ASIC2: variants seen among roughly 807,000 people sequenced by gnomAD.
ASIC2 encodes acid sensing ion channel subunit 2.
A neutral mutation model predicts 57.3 loss-of-function variants in ASIC2; 25 were observed. That is an observed-to-expected ratio of 0.44 (90% confidence interval 0.32 to 0.61). ASIC2 has a LOEUF of 0.61. Among genes scored for constraint, ASIC2 ranks in the 20% least tolerant of loss-of-function variants. The probability of loss-of-function intolerance (pLI) is 0.06; values close to 1 mark genes in which losing one functional copy is unlikely to be tolerated. For missense variants in ASIC2, 641 were observed against 738.1 expected, an observed-to-expected ratio of 0.87 and a Z score of 1.52; for synonymous variants, 319 against 307.5, an observed-to-expected ratio of 1.04 and a Z score of -0.39.
intron 1 of ASIC2, among the ~76,000 whole-genome samples, chr17:33,670,081 G>A (rs1025116402): frequency 5.3e-5 from 8 of 152,128 alleles, no homozygotes; most frequent in African/African-American, 1.9e-4. Context: ...TTGGGAACCA[G>A]GACACCCCAC....
chr17:34,096,968 G>A (rs142251629), intron 1 of ASIC2, among the ~76,000 whole-genome samples: 1 of 148,854 alleles, frequency 6.7e-6, no homozygotes, highest in East Asian at 2.0e-4. Context: ...GGAAAGAAAT[G>A]ACTACAGACC....
At chr17:33,504,298 C>T (rs1439156525) in intron 1 of ASIC2, among the ~76,000 whole-genome samples, 1 of 152,154 alleles carries the variant, frequency 6.6e-6, no homozygotes, top group African/African-American at 2.4e-5. Context: ...GTTTCTATAC[C>T]TGGACACTTT....
At chr17:33,605,756 AAAC>A (rs778700301) in intron 1 of ASIC2, among the ~76,000 whole-genome samples, 15 of 152,222 alleles carry the variant, frequency 9.9e-5, no homozygotes, top group Non-Finnish European at 2.1e-4. Flanking sequence ...ATCCCGCTGC[AAAC>A]CTTAGACACA....
intron 1 of ASIC2, among the ~76,000 whole-genome samples, chr17:33,204,880 C>A (rs776793290): frequency 4.0e-5 from 6 of 151,894 alleles, no homozygotes; most frequent in Non-Finnish European, 8.8e-5. Context: ...ACTGAGGAAG[C>A]AGAGCCAGAT....
chr17:33,299,118 G>T (rs1905843198), intron 1 of ASIC2, among the ~76,000 whole-genome samples: 2 of 152,196 alleles, frequency 1.3e-5, no homozygotes, highest in Admixed American at 6.5e-5. Context: ...CCAAAAAAGA[G>T]CCTGCATCCC....
chr17:33,112,378 C>T (rs2092262229), intron 1 of ASIC2, among the ~76,000 whole-genome samples: 1 of 152,158 alleles, frequency 6.6e-6, no homozygotes, highest in Admixed American at 6.5e-5. Flanking sequence ...CATCTGTAAA[C>T]TCCTGACCCT....
chr17:34,083,540 T>A (rs1215071941), intron 1 of ASIC2, among the ~76,000 whole-genome samples: 1 of 152,044 alleles, frequency 6.6e-6, no homozygotes, highest in Non-Finnish European at 1.5e-5. Flanking sequence ...ATATACCCAG[T>A]AATGGGATGG....
At chr17:33,491,288 T>C (rs1913748931) in intron 1 of ASIC2, among the ~76,000 whole-genome samples, 2 of 152,126 alleles carry the variant, frequency 1.3e-5, no homozygotes, top group Non-Finnish European at 2.9e-5. Flanking sequence ...ATCACAAGAT[T>C]CCTCCCCTCG....
At chr17:33,058,387 A>G in intron 3 of ASIC2, among the ~76,000 whole-genome samples, 1 of 149,832 alleles carries the variant, frequency 6.7e-6, no homozygotes, top group African/African-American at 2.5e-5. Flanking sequence ...TAGCAAGCCA[A>G]CTCTTAGAGT....
rs78528868 is a variant in ASIC2, at chr17:33,942,604, G to A, written c.555+213374C>T. 1.7e-3 allele frequency among the ~76,000 whole-genome samples: 265 copies of A among 152,318 alleles called. 3 individuals carry two copies. Among genetic ancestry groups the A allele is most frequent in the African/African-American group, 6.2e-3 (259 of 41,576 alleles). Reference sequence around the variant, plus strand: ...GGCACACGAAGTCACTGATTAATGAGTGGTGAGTCATCTCTCAGTGATAAT... The same window carrying A: ...GGCACACGAAGTCACTGATTAATGAATGGTGAGTCATCTCTCAGTGATAAT... On this transcript the variant is annotated intron_variant, in intron 1 of 9. Coordinates refer to the ASIC2 transcript ENST00000359872.
chr17:33,922,463 G>A (rs925322049), intron 1 of ASIC2, among the ~76,000 whole-genome samples: 1 of 152,160 alleles, frequency 6.6e-6, no homozygotes, highest in African/African-American at 2.4e-5. Context: ...GCCTCACTTT[G>A]TTCTAGGTGC....
intron 1 of ASIC2, among the ~76,000 whole-genome samples, chr17:33,869,241 T>TA (rs975201722): frequency 1.1e-4 from 16 of 151,804 alleles, no homozygotes; most frequent in African/African-American, 2.9e-4. Flanking sequence ...TAGCTATAAT[T>TA]AAAAAAAAAC....
chr17:33,227,407 CTCCCCTTCAGCTTGGGGAGAA>C (rs1907927549), intron 1 of ASIC2, among the ~76,000 whole-genome samples: 1 of 152,146 alleles, frequency 6.6e-6, no homozygotes, highest in Non-Finnish European at 1.5e-5. Flanking sequence ...CTTTTGTGCT[CTCCCCTTCAGCTTGGGGAGAA>C]TTTAGCATTT....
chr17:33,073,828 C>T (rs1284128142), intron 3 of ASIC2, among the ~76,000 whole-genome samples: 2 of 152,176 alleles, frequency 1.3e-5, no homozygotes, highest in Non-Finnish European at 2.9e-5. Context: ...AGGGGCCCAG[C>T]CGCTATGGGC....
chr17:33,565,876 G>A (rs1392518381), intron 1 of ASIC2: 1 of 152,354 alleles, frequency 6.6e-6, no homozygotes, highest in Non-Finnish European at 1.5e-5. Flanking sequence ...GAGGTTTCCT[G>A]ATTCCTGGGT....
intron 1 of ASIC2, among the ~76,000 whole-genome samples, chr17:33,415,493 G>A (rs974592426): frequency 6.6e-6 from 1 of 151,810 alleles, no homozygotes; most frequent in African/African-American, 2.4e-5. Context: ...GGCATGTAGA[G>A]CCCATTGTAT....
chr17:33,459,867 A>T (rs1912577908), intron 1 of ASIC2, among the ~76,000 whole-genome samples: 2 of 152,176 alleles, frequency 1.3e-5, no homozygotes, highest in South Asian at 4.1e-4. Context: ...GATTGTCTCT[A>T]GTGAATGGAG....
At chr17:33,040,727 G>T (rs1294292064) in intron 3 of ASIC2, among the ~76,000 whole-genome samples, 6 of 152,200 alleles carry the variant, frequency 3.9e-5, no homozygotes, top group East Asian at 3.8e-4. Context: ...GAGGCAAAAA[G>T]TCTCCTTTGC....
At chr17:33,741,754 C>A (rs1910119080) in intron 1 of ASIC2, among the ~76,000 whole-genome samples, 1 of 152,192 alleles carries the variant, frequency 6.6e-6, no homozygotes, top group South Asian at 2.1e-4. Context: ...GAGCCCAGCC[C>A]CAGCACCAGC....
Sources: allele counts gnomAD v4.1 joint callset (sites outside exome capture counted in the v4.1 genomes callset), GRCh38; gene constraint gnomAD v4.1.1; transcripts MANE v1.5; gene names NCBI Gene and HGNC (gene_info 2026-07-23, HGNC 2026-07-21).